Variants in MYH13 observed in about 807,000 individuals in gnomAD.
The protein encoded by MYH13 is myosin heavy chain 13.
A neutral mutation model predicts 232.1 loss-of-function variants in MYH13; 177 were observed. That is an observed-to-expected ratio of 0.76 (90% confidence interval 0.67 to 0.86). MYH13 has a LOEUF of 0.86. Among genes scored for constraint, MYH13 ranks in the 40% least tolerant of loss-of-function variants. MYH13 has a pLI of 0.00. For missense variants in MYH13, 2,246 were observed against 2,405.9 expected (o/e 0.93, Z 1.39); for synonymous variants, 884 against 923.5 (o/e 0.96, Z 0.78).
Position 10,346,788 on chromosome 17 carries a change from T to C in MYH13, c.1155A>G (p.Lys385=). Residue 385 remains lysine (K), a synonymous_variant, in exon 13 of 41, where the codon AAA becomes AAG. Transcript: ENST00000252172. Reference sequence around the variant, plus strand: ...AATTCAGTCCCATCAGGTATCCGGCTTTGTCAGCCACTGAAGGAAGAGAAA... The same window carrying C: ...AATTCAGTCCCATCAGGTATCCGGCCTTGTCAGCCACTGAAGGAAGAGAAA... ...AEPDGTEVAD[K]AGYLMGLNSA... 6.2e-7 allele frequency: 1 copy of C among 1,613,696 alleles called. No homozygotes were observed. The highest frequency in any genetic ancestry group is 1.1e-5 in the South Asian group (1 of 91,024).
intron 2 of MYH13, among the ~76,000 whole-genome samples, chr17:10,366,516 G>A (rs1176046131): frequency 6.6e-6 from 1 of 151,226 alleles, no homozygotes; most frequent in African/African-American, 2.4e-5. Context: ...GAGTAGTTGG[G>A]ATTACAGGCG....
intron 3 of MYH13, among the ~76,000 whole-genome samples, chr17:10,363,957 TTAAG>T (rs1399517339): frequency 6.6e-6 from 1 of 152,184 alleles, no homozygotes; most frequent in Non-Finnish European, 1.5e-5. Context: ...ATTCTCCACA[TTAAG>T]TGAGTCAATG....
At chr17:10,332,633 GAGTT>G (rs1436967297) in intron 19 of MYH13, among the ~76,000 whole-genome samples, 1 of 152,206 alleles carries the variant, frequency 6.6e-6, no homozygotes, top group Non-Finnish European at 1.5e-5. Flanking sequence ...TCAGAGGAGA[GAGTT>G]AGTCTAGAGC....
chr17:10,308,327 C>A (rs866862359), intron 35 of MYH13, among the ~76,000 whole-genome samples: 458 of 123,628 alleles, frequency 3.7e-3, no homozygotes, highest in South Asian at 4.0e-3. Context: ...TGCTCTGTCT[C>A]AAAAAAAAAA....
At chr17:10,333,045 G>A (rs201200991) in intron 19 of MYH13, 29 bp downstream of exon 19, 1 of 1,482,266 alleles carries the variant, frequency 6.7e-7, no homozygotes, top group East Asian at 2.5e-5. Context: ...CTCGGAAGGA[G>A]AGAGATGCAC....
intron 3 of MYH13, 95 bp from the exon 4 acceptor site, chr17:10,362,598 G>C: frequency 1.3e-6 from 2 of 1,488,500 alleles, no homozygotes; most frequent in South Asian, 2.4e-5. Context: ...ATATTGTGGA[G>C]GAATTACCGC....
At chr17:10,345,066 T>C (rs2071651493) in intron 15 of MYH13, 136 bp downstream of exon 15, 2 of 1,337,016 alleles carry the variant, frequency 1.5e-6, no homozygotes, top group Non-Finnish European at 2.1e-6. Context: ...TCTTTGCAAA[T>C]AGGCATTCAG....
In MYH13 at chr17:10,345,340, G is replaced by A; in HGVS notation, c.1446C>T (p.Phe482=). 1.9e-6 allele frequency: 3 copies of A among 1,614,248 alleles called. No individual in the cohort carries two copies. The highest frequency in any genetic ancestry group is 2.5e-6 in the Non-Finnish European group (3 of 1,180,052). The change falls in exon 15 of 41, where the codon TTC becomes TTT. Residue 482 remains phenylalanine (F), a synonymous_variant. Transcript: ENST00000252172. Reference sequence around the variant, plus strand: ...AAAACTGTTGCAGTTTCTCATTGGTGAAGTTGATGCACAGCTGCTCCAGGC... The same window carrying A: ...AAAACTGTTGCAGTTTCTCATTGGTAAAGTTGATGCACAGCTGCTCCAGGC... ...FNSLEQLCIN[F]TNEKLQQFFN...
At chr17:10,340,614 G>A (rs2071613641) in intron 16 of MYH13, among the ~76,000 whole-genome samples, 1 of 152,144 alleles carries the variant, frequency 6.6e-6, no homozygotes, top group African/African-American at 2.4e-5. Flanking sequence ...CACCTCCCGG[G>A]TTCAAGCCAT....
intron 18 of MYH13, among the ~76,000 whole-genome samples, chr17:10,338,203 C>T (rs1162753594): frequency 3.3e-5 from 5 of 149,528 alleles, no homozygotes; most frequent in Non-Finnish European, 5.9e-5. Context: ...TACTCAACGA[C>T]GACAGTAACA....
chr17:10,351,794 G>A (rs558550132), intron 11 of MYH13, among the ~76,000 whole-genome samples: 9 of 152,176 alleles, frequency 5.9e-5, no homozygotes, highest in African/African-American at 2.2e-4. Context: ...CTTCTCTGGG[G>A]TACACATATT....
chr17:10,343,088 CAA>C (rs71139039), intron 16 of MYH13, among the ~76,000 whole-genome samples: 2 of 125,132 alleles, frequency 1.6e-5, no homozygotes, highest in African/African-American at 3.2e-5. Context: ...GACTCTGTCT[CAA>C]AAAAAAAAAA....
chr17:10,315,381 C>T (rs561521380), intron 29 of MYH13, among the ~76,000 whole-genome samples: 4 of 152,178 alleles, frequency 2.6e-5, no homozygotes, highest in African/African-American at 9.7e-5. Flanking sequence ...CCACCTCCGC[C>T]CCCTGGGTTC....
intron 20 of MYH13, 115 bp from the exon 21 acceptor site, chr17:10,330,638 G>A: frequency 5.7e-6 from 8 of 1,392,944 alleles, no homozygotes; most frequent in Non-Finnish European, 7.6e-6. Flanking sequence ...GCACGGCAGG[G>A]GCAGCAATTC....
chr17:10,309,908 C>G, intron 33 of MYH13, 78 bp from the exon 34 acceptor site: 1 of 1,191,860 alleles, frequency 8.4e-7, no homozygotes. Context: ...CCCATACGAT[C>G]AAATGGGTAT....
intron 18 of MYH13, among the ~76,000 whole-genome samples, chr17:10,334,123 T>G (rs1374523543): frequency 6.6e-6 from 1 of 151,954 alleles, no homozygotes. Context: ...CAAACTAGGA[T>G]GGAGAAAATT....
At chr17:10,364,972 C>T (rs1355838340) in intron 2 of MYH13, among the ~76,000 whole-genome samples, 1 of 152,054 alleles carries the variant, frequency 6.6e-6, no homozygotes, top group Non-Finnish European at 1.5e-5. Context: ...CTCCCAGGTT[C>T]AAGCGATTCT....
In MYH13 at chr17:10,302,580, T is replaced by C. The variant is rs117304212; in HGVS notation, c.5667+616A>G. On this transcript the variant is annotated intron_variant, in intron 39 of 40. Coordinates refer to ENST00000252172, the MANE Select transcript of MYH13 (RefSeq NM_003802.3). The stretch of plus-strand genomic sequence containing the variant: ...TCTTTTCTATAAAAGGATAAGCTCC[T>C]CCCCATGGCAGCCCCACCTTCCTGC... Among the ~76,000 whole-genome samples the C allele has an allele frequency of 4.4e-3, 670 of 152,220 alleles. 1 individual carries two copies. The highest frequency in any genetic ancestry group is 7.6e-3 in the Non-Finnish European group (516 of 67,998).
rs973604088 is a variant in MYH13 at position 10,307,055 on chromosome 17, G to C, written c.5179C>G (p.Leu1727Val). 1.5e-5 allele frequency: 24 copies of C among 1,613,940 alleles called. No homozygotes were observed. Among genetic ancestry groups the C allele is most frequent in the Non-Finnish European group, 2.0e-5 (24 of 1,179,872 alleles). ...VQLLHSQNTS[L>V]INTKKKLEAD... ...TCCAGTTTTTTCTTGGTATTTATCA[G>C]GCTTGTGTTCTACAAGAAGAATTAG... The change falls in exon 36 of 41, where the codon CTG becomes GTG. Residue 1727 changes from leucine (L) to valine (V), a missense_variant. By Grantham distance (32) the Leu-to-Val change is conservative (BLOSUM62 1). Coordinates refer to ENST00000252172, the MANE Select transcript of MYH13 (RefSeq NM_003802.3).
Sources: gnomAD v4.1 joint callset for allele counts (sites outside exome capture counted in the v4.1 genomes callset) on GRCh38, gnomAD v4.1.1 for gene constraint, MANE v1.5 for transcripts, NCBI Gene and HGNC (gene_info 2026-07-23, HGNC 2026-07-21) for gene names.